CORIN: variants seen among roughly 807,000 people sequenced by gnomAD.
CORIN encodes the protein atrial natriuretic peptide-converting enzyme.
In CORIN, 117 loss-of-function variants were observed where a neutral mutation model predicts 125.3. That is an observed-to-expected ratio of 0.93 (90% confidence interval 0.80 to 1.09). The LOEUF (loss-of-function observed/expected upper bound fraction) is 1.09. CORIN is among the 50% of genes least tolerant of loss of function. The pLI, the probability that CORIN is intolerant of heterozygous loss-of-function variation, is 0.00. For missense variants in CORIN, 1,253 were observed against 1,306.7 expected (o/e 0.96, Z 0.63); for synonymous variants, 450 against 466.4 (o/e 0.96, Z 0.45).
intron 9 of CORIN, among the ~76,000 whole-genome samples, chr4:47,675,149 G>A (rs934325492): frequency 6.6e-6 from 1 of 152,134 alleles, no homozygotes; most frequent in African/African-American, 2.4e-5. Flanking sequence ...CCTTAAGGTA[G>A]GTAGAGAGGA....
At chr4:47,657,483 G>A (rs543667965) in intron 12 of CORIN, among the ~76,000 whole-genome samples, 5 of 149,850 alleles carry the variant, frequency 3.3e-5, no homozygotes, top group Admixed American at 6.7e-5. Flanking sequence ...TGCAGTGAGC[G>A]GAGATCACGC....
At chr4:47,670,959 G>A (rs2109688401) in intron 10 of CORIN, among the ~76,000 whole-genome samples, 1 of 152,180 alleles carries the variant, frequency 6.6e-6, no homozygotes, top group South Asian at 2.1e-4. Context: ...GTGGTTTTTA[G>A]GCTTTTTAAA....
At chr4:47,729,633 G>C (rs1727768718) in intron 5 of CORIN, among the ~76,000 whole-genome samples, 1 of 152,134 alleles carries the variant, frequency 6.6e-6, no homozygotes, top group African/African-American at 2.4e-5. Context: ...GAAATGCTGG[G>C]TAGAAGAGGG....
intron 1 of CORIN, chr4:47,837,274 T>G: frequency 6.4e-6 from 1 of 157,252 alleles, no homozygotes; most frequent in Non-Finnish European, 1.4e-5. Context: ...GACGGGCGAG[T>G]GATCCCCAGG....
intron 17 of CORIN, among the ~76,000 whole-genome samples, chr4:47,624,784 T>C (rs1722482280): frequency 1.3e-5 from 2 of 152,010 alleles, no homozygotes; most frequent in Non-Finnish European, 2.9e-5. Flanking sequence ...ACATTTACAT[T>C]ACAACCTCAA....
At chr4:47,599,263 A>G (rs960312581) in intron 21 of CORIN, among the ~76,000 whole-genome samples, 1 of 151,720 alleles carries the variant, frequency 6.6e-6, no homozygotes, top group Non-Finnish European at 1.5e-5. Flanking sequence ...ATGCCAAGGG[A>G]GCTGTCTGCC....
At chr4:47,618,315 C>G (rs541374041) in intron 19 of CORIN, among the ~76,000 whole-genome samples, 1 of 105,078 alleles carries the variant, frequency 9.5e-6, no homozygotes, top group East Asian at 2.6e-4. Flanking sequence ...GCTTGGGCAA[C>G]AGGAGTGAAA....
At chr4:47,820,481 A>T (rs1196637914) in intron 1 of CORIN, among the ~76,000 whole-genome samples, 1 of 152,234 alleles carries the variant, frequency 6.6e-6, no homozygotes, top group Non-Finnish European at 1.5e-5. Context: ...AAAAAAGAGC[A>T]TCCCTGTAAA....
At chr4:47,714,492 G>C (rs1428599467) in intron 5 of CORIN, among the ~76,000 whole-genome samples, 1 of 152,192 alleles carries the variant, frequency 6.6e-6, no homozygotes, top group Non-Finnish European at 1.5e-5. Context: ...ATGTCATAAA[G>C]CTAATTAGAA....
At chr4:47,795,172 A>T (rs936796376) in intron 2 of CORIN, among the ~76,000 whole-genome samples, 1 of 152,044 alleles carries the variant, frequency 6.6e-6, no homozygotes, top group African/African-American at 2.4e-5. Flanking sequence ...TTCTAGTGCT[A>T]TACTGCTTTG....
chr4:47,757,874 ATATG>A (rs1560535363), intron 4 of CORIN, among the ~76,000 whole-genome samples: 10 of 80,250 alleles, frequency 1.2e-4, no homozygotes, highest in African/African-American at 4.4e-4. Context: ...ATACATATAT[ATATG>A]TATATATATA....
intron 5 of CORIN, among the ~76,000 whole-genome samples, chr4:47,734,347 C>A (rs768514112): frequency 6.6e-5 from 10 of 152,182 alleles, no homozygotes; most frequent in Non-Finnish European, 1.0e-4. Context: ...CCATTCATTT[C>A]ATCGGCTAAT....
chr4:47,658,263 T>C lies in CORIN; in HGVS notation c.1735+3448A>G, dbSNP rs189713634. Reference sequence around the variant, plus strand: ...ATCTTAAAGCTCCAAAATAATCTCCTTGGACTCCATATCCTGCATACAGGG... The same window carrying C: ...ATCTTAAAGCTCCAAAATAATCTCCCTGGACTCCATATCCTGCATACAGGG... On this transcript the variant is annotated intron_variant, in intron 12 of 21. Transcript: ENST00000273857. 4.6e-5 allele frequency among the ~76,000 whole-genome samples: 7 copies of C among 152,330 alleles called. No homozygotes were observed. The East Asian group carries it at 5.8e-4, about 13-fold the overall frequency.
intron 6 of CORIN, among the ~76,000 whole-genome samples, chr4:47,685,389 G>T (rs1409625023): frequency 6.6e-6 from 1 of 152,096 alleles, no homozygotes; most frequent in Admixed American, 6.5e-5. Context: ...AAAAAGTTAC[G>T]CTGTGTGAAA....
chr4:47,766,721 G>A (rs999560760), intron 3 of CORIN, among the ~76,000 whole-genome samples: 2 of 151,968 alleles, frequency 1.3e-5, no homozygotes, highest in South Asian at 2.1e-4. Context: ...TGAGGTGGGC[G>A]GATCACCTGA....
At chr4:47,627,826 T>A (rs533694188) in intron 16 of CORIN, among the ~76,000 whole-genome samples, 2 of 152,262 alleles carry the variant, frequency 1.3e-5, no homozygotes, top group Admixed American at 6.5e-5. Context: ...TGTTATTTAA[T>A]CAGGTCATTC....
chr4:47,634,833 C>A (rs764623553), intron 16 of CORIN, among the ~76,000 whole-genome samples: 2 of 151,950 alleles, frequency 1.3e-5, no homozygotes, highest in Non-Finnish European at 2.9e-5. Flanking sequence ...CCATTTGGAG[C>A]CCAAGGATAA....
intron 1 of CORIN, among the ~76,000 whole-genome samples, chr4:47,814,249 A>T (rs1577946314): frequency 6.6e-6 from 1 of 152,296 alleles, no homozygotes; most frequent in East Asian, 1.9e-4. Context: ...GGGGCATTAC[A>T]GTGTCACATA....
chr4:47,680,183 C>T lies in CORIN; in HGVS notation c.1090G>A (p.Gly364Ser). Residue 364 changes from glycine to serine, a missense_variant, in exon 8 of 22, where the codon GGT (glycine) becomes AGT (serine). By Grantham distance (56) the Gly-to-Ser change is moderately conservative. Coordinates refer to ENST00000273857, the MANE Select transcript of CORIN (RefSeq NM_006587.4). ...GACTTATCCACACAGTCGTGGTCACCATCACACACCCACTCCATGGCGATG... is the reference window on the plus strand; with the variant it reads ...GACTTATCCACACAGTCGTGGTCACTATCACACACCCACTCCATGGCGATG... ...RCIAMEWVCDGDHDCVDKSDE... is the reference protein window; with the variant it reads ...RCIAMEWVCDSDHDCVDKSDE... 6.2e-7 allele frequency: 1 copy of T among 1,613,948 alleles called. No individual in the cohort carries two copies. Among genetic ancestry groups the T allele is most frequent in the Non-Finnish European group, 8.5e-7 (1 of 1,179,886 alleles).
Sources: gnomAD v4.1 joint callset for allele counts (sites outside exome capture counted in the v4.1 genomes callset) on GRCh38, gnomAD v4.1.1 for gene constraint, MANE v1.5 for transcripts, NCBI Gene and HGNC (gene_info 2026-07-23, HGNC 2026-07-21) for gene names.